Variants in KIAA0040 observed in about 807,000 individuals in gnomAD.
KIAA0040 encodes the protein KIAA0040.
In KIAA0040, 10 loss-of-function variants were observed where a neutral mutation model predicts 7.2. The ratio of observed to expected loss-of-function variants is 1.38; its 90% CI spans 0.85 to 2.34. KIAA0040 has a LOEUF of 2.34. Ranked by LOEUF, KIAA0040 falls within the 30% of genes most tolerant of loss-of-function variation. The pLI is 0.00. For synonymous variants in KIAA0040, 49 were observed against 40.1 expected, an observed-to-expected ratio of 1.22 and a Z score of -0.84; for missense variants, 89 against 108.2, an observed-to-expected ratio of 0.82 and a Z score of 0.79.
chr1:175,163,084 A>C (rs1251332912), intron 3 of KIAA0040, among the ~76,000 whole-genome samples: 3 of 152,128 alleles, frequency 2.0e-5, no homozygotes, highest in Non-Finnish European at 4.4e-5. Context: ...AGCCGGTCTC[A>C]CTCATTCTGG....
chr1:175,188,574 C>T (rs1677752219), intron 1 of KIAA0040, among the ~76,000 whole-genome samples: 1 of 152,102 alleles, frequency 6.6e-6, no homozygotes. Context: ...TCAACTAATC[C>T]ACTGGTCTCT....
chr1:175,188,502 T>C (rs949701375), intron 1 of KIAA0040, among the ~76,000 whole-genome samples: 38 of 152,204 alleles, frequency 2.5e-4, no homozygotes, highest in African/African-American at 8.9e-4. Flanking sequence ...TGAAAGCCCA[T>C]TATTCACCTG....
chr1:175,186,686 A>C (rs944725347), intron 1 of KIAA0040, among the ~76,000 whole-genome samples: 9 of 152,340 alleles, frequency 5.9e-5, no homozygotes, highest in Middle Eastern at 6.8e-3. Context: ...TCCTTATGCA[A>C]AACCAAGAAA....
chr1:175,167,424 C>G (rs1571192717), intron 2 of KIAA0040, among the ~76,000 whole-genome samples: 1 of 152,196 alleles, frequency 6.6e-6, no homozygotes, highest in African/African-American at 2.4e-5. Flanking sequence ...AGACCCATTG[C>G]TGTCCCTGAA....
chr1:175,161,298 T>C (rs1676532931), intron 3 of KIAA0040, among the ~76,000 whole-genome samples, 152 bp from the exon 4 acceptor site: 1 of 152,230 alleles, frequency 6.6e-6, no homozygotes, highest in Non-Finnish European at 1.5e-5. Context: ...ACAAGATAAA[T>C]GCATGCATGT....
chr1:175,190,748 G>GC (rs1175157079), intron 1 of KIAA0040, among the ~76,000 whole-genome samples: 3 of 152,130 alleles, frequency 2.0e-5, no homozygotes, highest in African/African-American at 4.8e-5. Context: ...CTCTAAGCCA[G>GC]CCCCCATCTG....
chr1:175,182,548 A>G (rs1677481040), intron 1 of KIAA0040, among the ~76,000 whole-genome samples: 1 of 152,196 alleles, frequency 6.6e-6, no homozygotes, highest in African/African-American at 2.4e-5. Context: ...GAGGCTGCAC[A>G]GTGGAAGCCC....
At chr1:175,169,857 G>A (rs1676916313) in intron 2 of KIAA0040, among the ~76,000 whole-genome samples, 2 of 152,126 alleles carry the variant, frequency 1.3e-5, no homozygotes, top group African/African-American at 4.8e-5. Context: ...TCACCCCGAC[G>A]ACAAACTGCC....
chr1:175,183,597 T>C (rs947205081), intron 1 of KIAA0040, among the ~76,000 whole-genome samples: 2 of 152,150 alleles, frequency 1.3e-5, no homozygotes, highest in African/African-American at 4.8e-5. Flanking sequence ...GGGTTGCAGC[T>C]CAAAGCAGCA....
intron 2 of KIAA0040, among the ~76,000 whole-genome samples, chr1:175,174,338 T>C (rs1269094117): frequency 3.9e-5 from 6 of 152,176 alleles, no homozygotes; most frequent in Non-Finnish European, 7.3e-5. Flanking sequence ...TTAATGCATA[T>C]CAAAATGCCC....
At position 175,160,788 on chromosome 1, in the gene KIAA0040, CCTTCTTCTT is replaced by C. The variant is rs150137790; in HGVS notation, c.217_225del (p.Lys73_Lys75del). 71 of 1,429,922 alleles carry C rather than the reference CCTTCTTCTT, an allele frequency of 5.0e-5. No individual in the cohort carries two copies. In the African/African-American group the frequency reaches 8.3e-4, roughly 17 times the overall value. 88.6% of individuals were successfully genotyped at this position (1,429,922 alleles called of 1,614,324 possible). ...GCAGAGATCCAGAGGTCTTCTTCAT[CCTTCTTCTT>C]CTTCTTCTTCTTCTTCTTCTTGTTC... On this transcript the variant is annotated inframe_deletion, in exon 4 of 4. Transcript: ENST00000423313.
At chr1:175,162,268 G>A (rs944535913) in intron 3 of KIAA0040, among the ~76,000 whole-genome samples, 1 of 152,078 alleles carries the variant, frequency 6.6e-6, no homozygotes, top group South Asian at 2.1e-4. Flanking sequence ...AAATATTAAG[G>A]AGTGGTTGAT....
At chr1:175,176,904 C>T (rs1016993985) in intron 2 of KIAA0040, among the ~76,000 whole-genome samples, 5 of 152,020 alleles carry the variant, frequency 3.3e-5, no homozygotes, top group Admixed American at 1.3e-4. Context: ...ATTCCTGAAT[C>T]GGGAGTATGT....
intron 1 of KIAA0040, among the ~76,000 whole-genome samples, chr1:175,179,153 G>A (rs1010471344): frequency 1.2e-4 from 19 of 152,228 alleles, no homozygotes; most frequent in Middle Eastern, 6.8e-3. Flanking sequence ...GTATGGCAGC[G>A]AAGAAGGCTT....
intron 2 of KIAA0040, among the ~76,000 whole-genome samples, chr1:175,173,822 C>T (rs1240601171): frequency 6.6e-6 from 1 of 152,226 alleles, no homozygotes; most frequent in Non-Finnish European, 1.5e-5. Flanking sequence ...TCCATATATG[C>T]TGGGGCCCCA....
intron 2 of KIAA0040, among the ~76,000 whole-genome samples, chr1:175,167,118 G>C (rs1025438001): frequency 2.0e-5 from 3 of 152,188 alleles, no homozygotes; most frequent in Admixed American, 1.3e-4. Context: ...AGGGGAAACA[G>C]GGAGGTTAGG....
At chr1:175,187,393 G>A (rs763273891) in intron 1 of KIAA0040, among the ~76,000 whole-genome samples, 1 of 152,208 alleles carries the variant, frequency 6.6e-6, no homozygotes, top group Non-Finnish European at 1.5e-5. Flanking sequence ...ATGAGTGGCT[G>A]TCTGGAACTT....
intron 1 of KIAA0040, among the ~76,000 whole-genome samples, chr1:175,179,097 G>T (rs1677335896): frequency 6.6e-6 from 1 of 152,070 alleles, no homozygotes; most frequent in Non-Finnish European, 1.5e-5. Context: ...GGTTGGAAAA[G>T]CCAGAGCAGA....
At chr1:175,173,376 AGT>A (rs1195777765) in intron 2 of KIAA0040, among the ~76,000 whole-genome samples, 1 of 152,178 alleles carries the variant, frequency 6.6e-6, no homozygotes, top group Admixed American at 6.5e-5. Flanking sequence ...GTTCTTACTA[AGT>A]GTGCAACTCT....
Sources: allele counts gnomAD v4.1 joint callset (sites outside exome capture counted in the v4.1 genomes callset), GRCh38; gene constraint gnomAD v4.1.1; transcripts MANE v1.5; gene names NCBI Gene and HGNC (gene_info 2026-07-23, HGNC 2026-07-21).